The following LUC7L2 variants were observed in gnomAD, a reference collection of about 807,000 sequenced individuals.
LUC7L2 encodes LUC7 like 2, pre-mRNA splicing factor.
Under a neutral mutation model 52.8 loss-of-function variants are expected in LUC7L2, and 25 were observed. That is an observed-to-expected ratio of 0.47 (90% CI 0.34 to 0.66). The LOEUF (loss-of-function observed/expected upper bound fraction) is 0.66, where lower values mean the gene tolerates loss of function less well. Ranked by LOEUF, LUC7L2 falls within the 30% of genes least tolerant of loss-of-function variation. The pLI is 0.01. For missense variants in LUC7L2, 328 were observed against 497.8 expected, an observed-to-expected ratio of 0.66 and a Z score of 3.25; for synonymous variants, 144 against 160.9, an observed-to-expected ratio of 0.89 and a Z score of 0.80.
intron 5 of LUC7L2, among the ~76,000 whole-genome samples, chr7:139,406,796 T>A (rs1169603115): frequency 1.3e-5 from 2 of 152,178 alleles, no homozygotes; most frequent in African/African-American, 2.4e-5. Flanking sequence ...TCGTGTCTTT[T>A]CTTAATTAAT....
chr7:139,398,601 A>G lies in LUC7L2; in HGVS notation c.159A>G (p.Arg53=), dbSNP rs765662894. ...CCPHDVLSGT[R]MDLGECLKVH... The stretch of plus-strand genomic sequence containing the variant: ...ATTATGTCTTTTTTCCCTTCCAGAG[A>G]ATGGATCTTGGAGAATGTCTGAAAG... The change falls in exon 3 of 10, where the codon AGA becomes AGG. Residue 53 remains arginine (R), a splice_region_variant and synonymous_variant. Transcript: ENST00000354926. The G allele has an allele frequency of 6.3e-7, 1 of 1,599,900 alleles. No homozygotes were observed. Among genetic ancestry groups the G allele is most frequent in the African/African-American group, 1.3e-5 (1 of 74,200 alleles).
chr7:139,374,736 A>T, intron 1 of LUC7L2: 1 of 1,281,382 alleles, frequency 7.8e-7, no homozygotes, highest in Non-Finnish European at 9.9e-7. Flanking sequence ...AGAATGTTTT[A>T]AAAATATCTT....
chr7:139,360,347 GGT>G (rs755924611), intron 1 of LUC7L2, 25 bp downstream of exon 1: 1 of 1,549,086 alleles, frequency 6.5e-7, no homozygotes, highest in Non-Finnish European at 8.7e-7. Flanking sequence ...GGGCCCTGGG[GGT>G]GGGGGAGGGG....
chr7:139,349,021 A>ACGTTATAG, intron 1 of LUC7L2, among the ~76,000 whole-genome samples: 1 of 151,568 alleles, frequency 6.6e-6, no homozygotes, highest in African/African-American at 2.4e-5. Context: ...AACTAGCCAG[A>ACGTTATAG]CACACGCAAG....
intron 1 of LUC7L2, among the ~76,000 whole-genome samples, chr7:139,371,853 A>C (rs1200056124): frequency 1.3e-5 from 2 of 152,148 alleles, no homozygotes; most frequent in Admixed American, 1.3e-4. Flanking sequence ...TTAGGCTCTG[A>C]TACATTGGTG....
intron 8 of LUC7L2, chr7:139,412,826 A>T (rs1449474552): frequency 1.4e-3 from 53 of 37,786 alleles, no homozygotes; most frequent in South Asian, 2.3e-3. Flanking sequence ...CTCTGTCTTT[A>T]AAAAAAAAAA....
At chr7:139,345,939 A>G in intron 1 of LUC7L2, 1 of 349,276 alleles carries the variant, frequency 2.9e-6, no homozygotes, top group Admixed American at 4.7e-5. Flanking sequence ...TTTTATTTTA[A>G]AAGTAGTACA....
rs746086729 is a variant in LUC7L2 at position 139,398,552 on chromosome 7, T to TAA, written c.157-42_157-41dup. Reference sequence around the variant, plus strand: ...GAACTGTGGTTGTTGAAGCATTTTTTAAAAAACTTTTTTTTGTTTTAATAT... The same window carrying TAA: ...GAACTGTGGTTGTTGAAGCATTTTTTAAAAAAAACTTTTTTTTGTTTTAATAT... On this transcript the variant is annotated intron_variant, in intron 2 of 9. Coordinates refer to ENST00000354926, the MANE Select transcript of LUC7L2 (RefSeq NM_016019.5). 2.0e-6 allele frequency: 3 copies of TAA among 1,522,002 alleles called. No individual in the cohort carries two copies. The South Asian group carries it at 3.8e-5, about 19-fold the overall frequency. 94.3% of individuals were successfully genotyped at this position (1,522,002 alleles called of 1,614,324 possible). A position where few individuals can be genotyped will look rare whatever the true frequency, so the allele number is the denominator to read the frequency against.
At chr7:139,347,362 C>T (rs565871607) in intron 1 of LUC7L2, among the ~76,000 whole-genome samples, 20 of 149,874 alleles carry the variant, frequency 1.3e-4, no homozygotes, top group Admixed American at 6.0e-4. Context: ...CTGATGTGGG[C>T]GGATCACCTG....
intron 4 of LUC7L2, among the ~76,000 whole-genome samples, chr7:139,405,311 T>C (rs371446768): frequency 9.2e-5 from 14 of 152,276 alleles, no homozygotes; most frequent in African/African-American, 3.1e-4. Flanking sequence ...CTATAAATTA[T>C]GTTGTGAGGT....
chr7:139,358,047 A>G (rs1157540625), upstream of LUC7L2, among the ~76,000 whole-genome samples: 4 of 151,108 alleles, frequency 2.6e-5, no homozygotes, highest in East Asian at 7.8e-4. Context: ...CTTGCTTTGT[A>G]CCCAGCCTGG....
chr7:139,416,040 AATATATAT>A (rs66498771), intron 8 of LUC7L2: 1,112 of 97,376 alleles, frequency 0.011, 16 homozygotes, highest in East Asian at 0.019. Flanking sequence ...TGAGGTATAA[AATATATAT>A]ATATATATAT....
chr7:139,355,088 T>C (rs1357572758), upstream of LUC7L2, among the ~76,000 whole-genome samples: 1 of 137,790 alleles, frequency 7.3e-6, no homozygotes, highest in African/African-American at 3.4e-5. Flanking sequence ...CTCAAACTCC[T>C]GGCCTCAAGT....
chr7:139,409,565 A>C lies in LUC7L2; in HGVS notation c.690A>C (p.Arg230Ser), dbSNP rs1330791508. ...EIREKLEELK[R>S]VVAEKQEKRN... ...CCTCATTTATTACTGTTTTTAAGAG[A>C]GTCGTAGCTGAGAAGCAGGAGAAAA... is the stretch of plus-strand genomic sequence containing the variant. The change falls in exon 7 of 10, where the codon AGA (arginine) becomes AGC (serine). Residue 230 changes from arginine (R) to serine (S), a missense_variant and splice_region_variant. Transcript: ENST00000354926. The C allele has an allele frequency of 1.9e-6, 3 of 1,607,418 alleles. No homozygotes were observed. The highest frequency in any genetic ancestry group is 2.5e-6 in the Non-Finnish European group (3 of 1,176,544).
upstream of LUC7L2, chr7:139,359,711 G>GC: frequency 5.0e-6 from 2 of 398,716 alleles, no homozygotes; most frequent in Non-Finnish European, 8.8e-6. Context: ...GATCCGGCTT[G>GC]CACAGTCAGT....
intron 7 of LUC7L2, among the ~76,000 whole-genome samples, chr7:139,410,145 C>T (rs1305141784): frequency 6.6e-6 from 1 of 151,678 alleles, no homozygotes; most frequent in Non-Finnish European, 1.5e-5. Context: ...GGGGCAGAGC[C>T]TGCAGTGAGC....
chr7:139,398,570 TTTAATA>T lies in LUC7L2; in HGVS notation c.157-25_157-20del, dbSNP rs759498547. The T allele has an allele frequency of 8.3e-6, 13 of 1,567,258 alleles. No homozygotes were observed. In the South Asian group the frequency reaches 1.6e-4, roughly 19 times the overall value. On this transcript the variant is annotated intron_variant, in intron 2 of 9. Transcript: ENST00000354926. Reference sequence around the variant, plus strand: ...CATTTTTTAAAAAACTTTTTTTTGTTTTAATATTATGTCTTTTTTCCCTTCCAGAGA... The same window carrying T: ...CATTTTTTAAAAAACTTTTTTTTGTTTTATGTCTTTTTTCCCTTCCAGAGA...
chr7:139,371,369 C>G (rs940523366), intron 1 of LUC7L2: 2 of 843,046 alleles, frequency 2.4e-6, no homozygotes, highest in Non-Finnish European at 4.0e-6. Flanking sequence ...ATACTAAACT[C>G]AGTTCACTTT....
upstream of LUC7L2, among the ~76,000 whole-genome samples, chr7:139,355,406 A>G (rs1208368879): frequency 6.6e-6 from 1 of 152,058 alleles, no homozygotes; most frequent in East Asian, 1.9e-4. Context: ...GCACACAAGA[A>G]AAGACTTCAT....
Sources: gnomAD v4.1 joint callset for allele counts (sites outside exome capture counted in the v4.1 genomes callset) on GRCh38, gnomAD v4.1.1 for gene constraint, MANE v1.5 for transcripts, NCBI Gene and HGNC (gene_info 2026-07-23, HGNC 2026-07-21) for gene names.